Variants in ZFPM1 observed in about 807,000 individuals in gnomAD.
ZFPM1 encodes zinc finger protein ZFPM1.
In ZFPM1, 28 loss-of-function variants were observed where a neutral mutation model predicts 46.3. The ratio of observed to expected loss-of-function variants is 0.60; its 90% CI spans 0.45 to 0.83. ZFPM1 has a LOEUF of 0.83. Ranked by LOEUF, ZFPM1 falls within the 40% of genes least tolerant of loss-of-function variation. The pLI is 0.00. For synonymous variants in ZFPM1, 957 were observed against 675.9 expected, an observed-to-expected ratio of 1.42 and a Z score of -6.45; for missense variants, 1,878 against 1,432.4, an observed-to-expected ratio of 1.31 and a Z score of -5.02.
chr16:88,461,471 C>G (rs1034703968), intron 1 of ZFPM1, among the ~76,000 whole-genome samples: 9 of 152,176 alleles, frequency 5.9e-5, no homozygotes, highest in Admixed American at 2.0e-4. Context: ...CTGGCCTGGC[C>G]TTGCTGTGAC....
At chr16:88,454,608 C>G (rs1454881128) in intron 1 of ZFPM1, among the ~76,000 whole-genome samples, 1 of 152,262 alleles carries the variant, frequency 6.6e-6, no homozygotes, top group Non-Finnish European at 1.5e-5. Context: ...TGCCAGTGCC[C>G]CCGCGATGAG....
intron 3 of ZFPM1, among the ~76,000 whole-genome samples, chr16:88,507,667 C>T (rs369437831): frequency 1.1e-3 from 162 of 152,332 alleles, no homozygotes; most frequent in African/African-American, 3.8e-3. Context: ...CATCCAGCTC[C>T]GGCAGATGTG....
intron 4 of ZFPM1, among the ~76,000 whole-genome samples, chr16:88,518,539 GTGGA>G (rs1158277646): frequency 3.4e-5 from 5 of 149,190 alleles, no homozygotes; most frequent in African/African-American, 7.6e-5. Context: ...AGATGGATGA[GTGGA>G]TGGATGGATG....
At chr16:88,519,663 ATGGATGGG>A (rs1456447618) in intron 4 of ZFPM1, among the ~76,000 whole-genome samples, 2 of 95,000 alleles carry the variant, frequency 2.1e-5, no homozygotes, top group African/African-American at 8.5e-5. Context: ...AGGTGGATGG[ATGGATGGG>A]TGGATGGATG....
intron 4 of ZFPM1, among the ~76,000 whole-genome samples, chr16:88,517,459 A>AATGG (rs1472618516): frequency 4.2e-5 from 3 of 70,972 alleles, no homozygotes; most frequent in African/African-American, 5.9e-5. Flanking sequence ...TGTGTAGGTA[A>AATGG]ATGGATGGAT....
intron 4 of ZFPM1, among the ~76,000 whole-genome samples, chr16:88,517,070 C>T (rs575783649): frequency 5.1e-4 from 78 of 152,274 alleles, no homozygotes; most frequent in African/African-American, 1.4e-3. Flanking sequence ...ACCCCTGCCA[C>T]GCCAGGGGTT....
rs1054867883 is a variant in ZFPM1 at position 88,536,296 on chromosome 16, C to G, written c.*1317C>G. On this transcript the variant is annotated 3_prime_UTR_variant, in exon 10 of 10. Coordinates refer to ENST00000319555, the MANE Select transcript of ZFPM1 (RefSeq NM_153813.3). ...AAACCATCTTCCTGCCTCAGCCTCCCAAGTAGCTGGGACTACAGGCTTGAC... is the reference window on the plus strand; with the variant it reads ...AAACCATCTTCCTGCCTCAGCCTCCGAAGTAGCTGGGACTACAGGCTTGAC... 1.3e-5 allele frequency: 2 copies of G among 152,306 alleles called. No individual in the cohort carries two copies. The highest frequency in any genetic ancestry group is 3.4e-3 in the Middle Eastern group (1 of 292). The allele number at this position is 152,306 out of a possible 1,614,324, so 9.4% of individuals were successfully genotyped here. A position where few individuals can be genotyped will look rare whatever the true frequency, so the allele number is the denominator to read the frequency against.
intron 2 of ZFPM1, among the ~76,000 whole-genome samples, chr16:88,488,087 G>A (rs1023532820): frequency 6.6e-6 from 1 of 152,210 alleles, no homozygotes; most frequent in Non-Finnish European, 1.5e-5. Context: ...GCTGGGGGGA[G>A]AGAGCACGTG....
At position 88,533,638 on chromosome 16, in the gene ZFPM1, G is replaced by GGGCGCC. The variant is rs1460948590; in HGVS notation, c.1685_1690dup (p.Ala562_Gly563dup). On this transcript the variant is annotated inframe_insertion, in exon 10 of 10. Transcript: ENST00000319555. ...GCCGGCTGCAGCAGGGCGCGGGCGCGGGCGCCGGCGGCGCGCAGACCGGGC... is the reference window on the plus strand; with the variant it reads ...GCCGGCTGCAGCAGGGCGCGGGCGCGGGCGCCGGCGCCGGCGGCGCGCAGACCGGGC... 1.4e-6 allele frequency: 2 copies of GGGCGCC among 1,459,414 alleles called. No individual in the cohort carries two copies. The highest frequency in any genetic ancestry group is 1.8e-6 in the Non-Finnish European group (2 of 1,104,572). 90.4% of individuals were successfully genotyped at this position (1,459,414 alleles called of 1,614,324 possible). A position where few individuals can be genotyped will look rare whatever the true frequency, so the allele number is the denominator to read the frequency against.
chr16:88,502,503 T>C (rs541207351), intron 3 of ZFPM1, among the ~76,000 whole-genome samples: 1 of 152,280 alleles, frequency 6.6e-6, no homozygotes, highest in South Asian at 2.1e-4. Flanking sequence ...GGCCCCAGGT[T>C]CCCATCTGGA....
rs1163620914 is a variant in ZFPM1, at chr16:88,480,004, C to T, written c.41-5935C>T. ...GTGACAACCTCACATCTGCGCCCAG[C>T]GCCCACTGCCAACACCTGGCTGAGT... On this transcript the variant is annotated intron_variant, in intron 1 of 9. Coordinates refer to ENST00000319555, the MANE Select transcript of ZFPM1 (RefSeq NM_153813.3). This position sits in a 1 kb window ranked among gnomAD's most constrained non-coding sequence, Gnocchi z 4.9. Among the ~76,000 whole-genome samples the T allele has an allele frequency of 6.6e-6, 1 of 151,838 alleles. No homozygotes were observed. Among genetic ancestry groups the T allele is most frequent in the East Asian group, 1.9e-4 (1 of 5,168 alleles).
chr16:88,483,799 C>T (rs1184177853), intron 1 of ZFPM1, among the ~76,000 whole-genome samples: 4 of 152,234 alleles, frequency 2.6e-5, no homozygotes, highest in Admixed American at 6.5e-5. Context: ...GGTTTGACGG[C>T]ATCAGCCAGC....
intron 4 of ZFPM1, among the ~76,000 whole-genome samples, chr16:88,520,563 T>TGGAC (rs535763531): frequency 8.5e-5 from 10 of 117,188 alleles, no homozygotes; most frequent in East Asian, 2.6e-4. Context: ...GATGGATGGA[T>TGGAC]GGATGGATGG....
chr16:88,465,908 G>A (rs950275003), intron 1 of ZFPM1, among the ~76,000 whole-genome samples: 4 of 152,194 alleles, frequency 2.6e-5, no homozygotes, highest in Non-Finnish European at 5.9e-5. Context: ...AGCCATAGGG[G>A]TGGAGGAGGG....
At chr16:88,482,851 G>A (rs1244452771) in intron 1 of ZFPM1, among the ~76,000 whole-genome samples, 4 of 152,214 alleles carry the variant, frequency 2.6e-5, no homozygotes, top group African/African-American at 7.2e-5. Context: ...ATCGTTCCGC[G>A]TGCTCCCGCC....
rs189197545 is a variant in ZFPM1 at position 88,514,017 on chromosome 16, A to T, written c.269-370A>T. Among the ~76,000 whole-genome samples the T allele has an allele frequency of 4.2e-4, 64 of 152,292 alleles. 1 individual carries two copies. Among genetic ancestry groups the T allele is most frequent in the Non-Finnish European group, 1.0e-4 (7 of 68,014 alleles). ...CAGCACGTTCATAGACTGCAGGCTG[A>T]TGTATCTTTTGGGGGCCCCCAGTCA... On this transcript the variant is annotated intron_variant, in intron 3 of 9. Coordinates refer to ENST00000319555, the MANE Select transcript of ZFPM1 (RefSeq NM_153813.3).
intron 1 of ZFPM1, among the ~76,000 whole-genome samples, chr16:88,466,665 G>C (rs1000991189): frequency 6.6e-6 from 1 of 152,210 alleles, no homozygotes. Context: ...CAGAAAATAA[G>C]CTCCTTTGGT....
intron 1 of ZFPM1, among the ~76,000 whole-genome samples, chr16:88,456,162 T>A (rs1907551014): frequency 6.6e-6 from 1 of 152,060 alleles, no homozygotes; most frequent in East Asian, 1.9e-4. Flanking sequence ...AAGAAGTTGA[T>A]CCTCCCCTGT....
At chr16:88,502,335 G>GC (rs1050217998) in intron 3 of ZFPM1, among the ~76,000 whole-genome samples, 2 of 151,904 alleles carry the variant, frequency 1.3e-5, no homozygotes, top group Non-Finnish European at 2.9e-5. Flanking sequence ...TCCCACCCCG[G>GC]CCCCCCGCCC....
Sources: allele counts gnomAD v4.1 joint callset (sites outside exome capture counted in the v4.1 genomes callset), GRCh38; gene constraint gnomAD v4.1.1; non-coding constraint Gnocchi (gnomAD v3.1); transcripts MANE v1.5; gene names NCBI Gene and HGNC (gene_info 2026-07-23, HGNC 2026-07-21).